The following TEAD4 variants were observed in gnomAD, a reference collection of about 807,000 sequenced individuals.
TEAD4 encodes the protein TEA domain transcription factor 4, also known as transcriptional enhancer factor TEF-3.
A neutral mutation model predicts 52.4 loss-of-function variants in TEAD4; 36 were observed. The ratio of observed to expected loss-of-function variants is 0.69; its 90% CI spans 0.53 to 0.91. The LOEUF is 0.91. Among genes scored for constraint, TEAD4 ranks in the 40% least tolerant of loss-of-function variants. The pLI is 0.00. For synonymous variants in TEAD4, 220 were observed against 231.0 expected (o/e 0.95, Z 0.43); for missense variants, 508 against 583.9 (o/e 0.87, Z 1.34).
At chr12:3,002,719 T>C (rs1183602760) in intron 3 of TEAD4, among the ~76,000 whole-genome samples, 5 of 152,192 alleles carry the variant, frequency 3.3e-5, no homozygotes, top group Non-Finnish European at 5.9e-5. Flanking sequence ...GGGGAACACG[T>C]ACCTGCCCTC....
At chr12:3,020,327 G>A (rs2098267774) in intron 8 of TEAD4, among the ~76,000 whole-genome samples, 1 of 152,190 alleles carries the variant, frequency 6.6e-6, no homozygotes, top group Non-Finnish European at 1.5e-5. Flanking sequence ...TGCCTGTTCT[G>A]GAAGCCTCTC....
chr12:3,033,351 G>A (rs972716530), intron 10 of TEAD4, among the ~76,000 whole-genome samples: 5 of 152,188 alleles, frequency 3.3e-5, no homozygotes, highest in South Asian at 2.1e-4. Context: ...TGAGCGCCAC[G>A]GGGCCTGGAG....
intron 2 of TEAD4, among the ~76,000 whole-genome samples, chr12:2,962,313 TAAATATATATATAAATATAA>T (rs1431851767): frequency 9.6e-5 from 11 of 114,894 alleles, no homozygotes; most frequent in African/African-American, 4.0e-4. Context: ...TATAAATATA[TAAATATATATATAAATATAA>T]ATATATATAT....
chr12:3,032,135 G>T (rs914758380), intron 10 of TEAD4, among the ~76,000 whole-genome samples: 1 of 152,234 alleles, frequency 6.6e-6, no homozygotes, highest in African/African-American at 2.4e-5. Flanking sequence ...GACTAAGGTT[G>T]CCAGGAAGGA....
chr12:2,976,292 G>C (rs1296247172), intron 2 of TEAD4, among the ~76,000 whole-genome samples: 1 of 151,500 alleles, frequency 6.6e-6, no homozygotes, highest in African/African-American at 2.4e-5. Context: ...GATTACAGGC[G>C]TGAACCTCCA....
intron 3 of TEAD4, among the ~76,000 whole-genome samples, chr12:2,996,807 G>A (rs956772291): frequency 6.6e-6 from 1 of 152,110 alleles, no homozygotes; most frequent in African/African-American, 2.4e-5. Context: ...CCTCCGCCCC[G>A]TGGGTTAAAG....
chr12:2,964,145 A>G (rs1405246776), intron 2 of TEAD4, among the ~76,000 whole-genome samples: 1 of 152,174 alleles, frequency 6.6e-6, no homozygotes, highest in Non-Finnish European at 1.5e-5. Context: ...GTGTGAAGCT[A>G]GAGCTCCGTG....
chr12:3,012,050 A>T, intron 4 of TEAD4, 120 bp from the exon 5 acceptor site: 1 of 917,288 alleles, frequency 1.1e-6, no homozygotes, highest in Non-Finnish European at 1.7e-6. Context: ...CCTTTCATTC[A>T]TTCATTCATT....
intron 2 of TEAD4, among the ~76,000 whole-genome samples, chr12:2,968,548 G>A (rs1312216070): frequency 6.6e-6 from 1 of 151,662 alleles, no homozygotes; most frequent in Non-Finnish European, 1.5e-5. Context: ...CAGTAGCTGG[G>A]ACCACAGGTG....
At chr12:2,981,600 G>T (rs929530703) in intron 2 of TEAD4, among the ~76,000 whole-genome samples, 2 of 152,186 alleles carry the variant, frequency 1.3e-5, no homozygotes, top group African/African-American at 2.4e-5. Context: ...CCCATCTGAA[G>T]TCTGAGCCCC....
At chr12:2,971,900 C>T (rs2098225483) in intron 2 of TEAD4, among the ~76,000 whole-genome samples, 1 of 139,698 alleles carries the variant, frequency 7.2e-6, no homozygotes, top group Non-Finnish European at 1.5e-5. Context: ...GCAACCTCCG[C>T]CTCCCGGGTT....
chr12:3,019,015 A>G (rs2098266681), intron 7 of TEAD4, 100 bp from the exon 8 acceptor site: 2 of 1,459,066 alleles, frequency 1.4e-6, no homozygotes, highest in Admixed American at 3.4e-5. Flanking sequence ...ACTGAAATCC[A>G]GACCACCAGG....
chr12:2,959,517 C>T lies in TEAD4; in HGVS notation c.-123+36C>T, dbSNP rs1440688846. On this transcript the variant is annotated intron_variant, in intron 1 of 12. Coordinates refer to ENST00000359864, the MANE Select transcript of TEAD4 (RefSeq NM_003213.4). This position sits in a 1 kb window ranked among gnomAD's most constrained non-coding sequence, Gnocchi z 5.1. ...CCCGCGCCCGCCGCACCCGCCGGCGCCCTCACGGGCCGCGCGCCCCACGCC... is the reference window on the plus strand; with the variant it reads ...CCCGCGCCCGCCGCACCCGCCGGCGTCCTCACGGGCCGCGCGCCCCACGCC... The T allele has an allele frequency of 6.8e-6, 1 of 147,792 alleles. No homozygotes were observed. The highest frequency in any genetic ancestry group is 1.5e-5 in the Non-Finnish European group (1 of 66,156). The allele number at this position is 147,792 out of a possible 1,614,324, so 9.2% of individuals were successfully genotyped here.
chr12:2,989,170 C>A (rs1054660166), intron 2 of TEAD4, among the ~76,000 whole-genome samples: 10 of 152,040 alleles, frequency 6.6e-5, no homozygotes, highest in African/African-American at 2.4e-4. Flanking sequence ...GATCTCCTGG[C>A]TTCAAGCAAC....
intron 10 of TEAD4, among the ~76,000 whole-genome samples, chr12:3,036,546 C>T (rs2098279557): frequency 6.6e-6 from 1 of 152,178 alleles, no homozygotes; most frequent in African/African-American, 2.4e-5. Flanking sequence ...ACAGAAGAGT[C>T]CTTGGTGTCA....
At chr12:3,038,482 A>G (rs1251082921) in intron 11 of TEAD4, among the ~76,000 whole-genome samples, 1 of 152,196 alleles carries the variant, frequency 6.6e-6, no homozygotes, top group Non-Finnish European at 1.5e-5. Flanking sequence ...ACATGGTCAC[A>G]CAGCTCATTA....
At chr12:3,021,205 G>GT (rs2098268466) in intron 9 of TEAD4, among the ~76,000 whole-genome samples, 1 of 152,090 alleles carries the variant, frequency 6.6e-6, no homozygotes, top group South Asian at 2.1e-4. Flanking sequence ...GGTGTCCAGT[G>GT]TCCTGGGTGA....
At chr12:3,002,147 G>C (rs567823602) in intron 3 of TEAD4, among the ~76,000 whole-genome samples, 1 of 152,100 alleles carries the variant, frequency 6.6e-6, no homozygotes, top group Non-Finnish European at 1.5e-5. Flanking sequence ...GCTTATTTCA[G>C]TTGGCATAAT....
chr12:3,004,597 C>G (rs2098254357), intron 3 of TEAD4, among the ~76,000 whole-genome samples: 1 of 152,206 alleles, frequency 6.6e-6, no homozygotes, highest in Non-Finnish European at 1.5e-5. Context: ...ATTTCTCAAC[C>G]TTGCTGTTTC....
Sources: allele counts gnomAD v4.1 joint callset (sites outside exome capture counted in the v4.1 genomes callset), GRCh38; gene constraint gnomAD v4.1.1; non-coding constraint Gnocchi (gnomAD v3.1); transcripts MANE v1.5; gene names NCBI Gene and HGNC (gene_info 2026-07-23, HGNC 2026-07-21).